Variants in SPTLC1 observed in about 807,000 individuals in gnomAD.
The protein encoded by SPTLC1 is serine palmitoyltransferase 1.
Under a neutral mutation model 68.9 loss-of-function variants are expected in SPTLC1, and 55 were observed. The ratio of observed to expected loss-of-function variants is 0.80; its 90% CI spans 0.64 to 1.00. The LOEUF (loss-of-function observed/expected upper bound fraction) is 1.00. Ranked by LOEUF, SPTLC1 falls within the 50% of genes least tolerant of loss-of-function variation. The pLI is 0.00. For missense variants in SPTLC1, 449 were observed against 573.1 expected, an observed-to-expected ratio of 0.78 and a Z score of 2.21; for synonymous variants, 197 against 201.6, an observed-to-expected ratio of 0.98 and a Z score of 0.19.
chr9:92,108,411 C>T (rs1355745458), intron 3 of SPTLC1: 4 of 328,716 alleles, frequency 1.2e-5, no homozygotes, highest in East Asian at 7.6e-5. Context: ...GGGTAACGTG[C>T]GACAAATTTA....
At chr9:92,085,178 C>T (rs1835066918) in intron 3 of SPTLC1, among the ~76,000 whole-genome samples, 1 of 150,648 alleles carries the variant, frequency 6.6e-6, no homozygotes, top group Non-Finnish European at 1.5e-5. Flanking sequence ...TTTGTTGATC[C>T]TTTCAAAAAA....
intron 8 of SPTLC1, among the ~76,000 whole-genome samples, chr9:92,053,638 C>A (rs1016112556): frequency 1.3e-5 from 2 of 152,248 alleles, no homozygotes; most frequent in Admixed American, 1.3e-4. Context: ...ACTTTAAAAA[C>A]ATCAAGTGAA....
chr9:92,115,240 A>G (rs1836408133), intron 1 of SPTLC1, 74 bp downstream of exon 1: 1 of 1,487,698 alleles, frequency 6.7e-7, no homozygotes, highest in Non-Finnish European at 9.4e-7. Flanking sequence ...GTCTCAGGCC[A>G]CAAATCCACA....
chr9:92,104,549 C>T lies in SPTLC1; in HGVS notation c.260+4191G>A, dbSNP rs764964143. 301 of 1,444,686 alleles carry T rather than the reference C, an allele frequency of 2.1e-4. 1 individual carries two copies. Among genetic ancestry groups the T allele is most frequent in the Non-Finnish European group, 2.7e-4 (287 of 1,064,028 alleles). 89.5% of individuals were successfully genotyped at this position (1,444,686 alleles called of 1,614,324 possible). A position where few individuals can be genotyped will look rare whatever the true frequency, so the allele number is the denominator to read the frequency against. On this transcript the variant is annotated intron_variant, in intron 3 of 14. Transcript: ENST00000262554. ...TGCTCGCAACTCCAGGATGTTTGGA[C>T]ACCTCAGCCCCGTGAGGATCTCTTG...
intron 6 of SPTLC1, among the ~76,000 whole-genome samples, chr9:92,060,607 T>C (rs75265393): frequency 0.02 from 3,080 of 151,908 alleles, 72 homozygotes; most frequent in South Asian, 0.082. Context: ...AGACAAGCAA[T>C]AGAAATTATT....
intron 8 of SPTLC1, 133 bp downstream of exon 8, chr9:92,055,272 C>G: frequency 6.6e-7 from 1 of 1,522,528 alleles, no homozygotes; most frequent in Middle Eastern, 1.8e-4. Flanking sequence ...CTTCCCTGAT[C>G]TGAGCAAAAT....
At chr9:92,077,640 A>T (rs539207826) in intron 5 of SPTLC1, among the ~76,000 whole-genome samples, 11 of 152,274 alleles carry the variant, frequency 7.2e-5, no homozygotes, top group African/African-American at 1.9e-4. Flanking sequence ...TTACACAGTC[A>T]CCCCAGTATT....
rs963683685 is a variant in SPTLC1 at position 92,093,239 on chromosome 9, A to C, written c.261-12276T>G. Among the ~76,000 whole-genome samples the C allele has an allele frequency of 5.3e-5, 8 of 152,232 alleles. No homozygotes were observed. In the South Asian group the frequency reaches 1.7e-3, roughly 32 times the overall value. ...TAGATGCAGAAATAACATTTGATGA[A>C]GTTCAACATCTATTTATAAAACTCT... is the stretch of plus-strand genomic sequence containing the variant. On this transcript the variant is annotated intron_variant, in intron 3 of 14. Coordinates refer to ENST00000262554, the MANE Select transcript of SPTLC1 (RefSeq NM_006415.4).
chr9:92,055,604 T>A, intron 7 of SPTLC1, 110 bp from the exon 8 acceptor site: 2 of 1,065,322 alleles, frequency 1.9e-6, no homozygotes, highest in Non-Finnish European at 2.8e-6. Context: ...AAAAAAATAT[T>A]CTGAATGAAT....
intron 3 of SPTLC1, chr9:92,104,470 G>A: frequency 7.1e-7 from 1 of 1,414,270 alleles, no homozygotes; most frequent in East Asian, 2.5e-5. Flanking sequence ...CCCACAGAGG[G>A]TCCTGCCTCC....
chr9:92,031,375 C>T lies in SPTLC1; in HGVS notation c.*1090G>A, dbSNP rs969431096. 1.3e-5 allele frequency: 2 copies of T among 152,486 alleles called. No individual in the cohort carries two copies. The highest frequency in any genetic ancestry group is 2.9e-5 in the Non-Finnish European group (2 of 68,012). 9.4% of individuals were successfully genotyped at this position (152,486 alleles called of 1,614,324 possible). A position where few individuals can be genotyped will look rare whatever the true frequency, so the allele number is the denominator to read the frequency against. On this transcript the variant is annotated 3_prime_UTR_variant, in exon 15 of 15. Coordinates refer to ENST00000262554, the MANE Select transcript of SPTLC1 (RefSeq NM_006415.4). Reference sequence around the variant, plus strand: ...TAAAAATCACAATTTTATTCTTCTACCTTTAACAAGAGAAGGAATGATGGC... The same window carrying T: ...TAAAAATCACAATTTTATTCTTCTATCTTTAACAAGAGAAGGAATGATGGC...
chr9:92,107,780 C>G (rs2118822201), intron 3 of SPTLC1: 1 of 152,154 alleles, frequency 6.6e-6, no homozygotes, highest in South Asian at 2.1e-4. Flanking sequence ...GGTTTGATTT[C>G]AGAATATATA....
intron 6 of SPTLC1, among the ~76,000 whole-genome samples, chr9:92,062,525 C>T (rs541349198): frequency 6.6e-6 from 1 of 152,230 alleles, no homozygotes; most frequent in South Asian, 2.1e-4. Flanking sequence ...GAACACTCCA[C>T]CAAACAGCAG....
chr9:92,038,512 A>G, intron 12 of SPTLC1, 147 bp from the exon 13 acceptor site: 1 of 727,438 alleles, frequency 1.4e-6, no homozygotes. Flanking sequence ...TCCAATTCCA[A>G]CAAAGAAAGG....
chr9:92,069,214 C>T (rs1244268566), intron 5 of SPTLC1, among the ~76,000 whole-genome samples: 1 of 152,144 alleles, frequency 6.6e-6, no homozygotes, highest in African/African-American at 2.4e-5. Context: ...GGGCTGACGG[C>T]CTGGCAGGAG....
rs1188665860 is a variant in SPTLC1 at position 92,084,391 on chromosome 9, CT to C, written c.261-3429del. ...TTGGCTGTGGGTCTGTCATAGATAG[CT>C]CTTATTATTTTGAGATACGTCCCAT... On this transcript the variant is annotated intron_variant, in intron 3 of 14. Coordinates refer to ENST00000262554, the MANE Select transcript of SPTLC1 (RefSeq NM_006415.4). Among the ~76,000 whole-genome samples, 5 of 152,224 alleles carry C rather than the reference CT, an allele frequency of 3.3e-5. No homozygotes were observed. In the East Asian group the frequency reaches 5.8e-4, roughly 18 times the overall value.
At chr9:92,079,048 T>G in intron 5 of SPTLC1, 1 of 960,600 alleles carries the variant, frequency 1.0e-6, no homozygotes, top group African/African-American at 1.8e-5. Context: ...AAAATGCTAT[T>G]TCCAGCAATA....
At chr9:92,091,040 T>TTATA (rs1835344780) in intron 3 of SPTLC1, among the ~76,000 whole-genome samples, 1 of 152,204 alleles carries the variant, frequency 6.6e-6, no homozygotes, top group African/African-American at 2.4e-5. Flanking sequence ...GGGTTTCCTA[T>TTATA]TATATGCAGC....
At chr9:92,074,185 C>T (rs541658187) in intron 5 of SPTLC1, among the ~76,000 whole-genome samples, 229 of 152,176 alleles carry the variant, frequency 1.5e-3, no homozygotes, top group African/African-American at 5.3e-3. Flanking sequence ...CCTTCTTAAT[C>T]GATACGGGGG....
Sources: gnomAD v4.1 joint callset for allele counts (sites outside exome capture counted in the v4.1 genomes callset) on GRCh38, gnomAD v4.1.1 for gene constraint, MANE v1.5 for transcripts, NCBI Gene and HGNC (gene_info 2026-07-23, HGNC 2026-07-21) for gene names.